The following NPFFR2 variants were observed in gnomAD, a reference collection of about 807,000 sequenced individuals.
NPFFR2 encodes the protein neuropeptide FF receptor 2.
Under a neutral mutation model 13.1 loss-of-function variants are expected in NPFFR2, and 15 were observed. The ratio of observed to expected loss-of-function variants is 1.15; its 90% CI spans 0.77 to 1.76. The LOEUF (loss-of-function observed/expected upper bound fraction) is 1.76, where lower values mean the gene tolerates loss of function less well. NPFFR2 is among the 40% of genes most tolerant of loss of function. NPFFR2 has a pLI of 0.00. For synonymous variants in NPFFR2, 190 were observed against 175.7 expected (o/e 1.08, Z -0.65); for missense variants, 572 against 503.5 (o/e 1.14, Z -1.30).
At chr4:72,141,748 T>C (rs958632410) in intron 3 of NPFFR2, among the ~76,000 whole-genome samples, 4 of 152,118 alleles carry the variant, frequency 2.6e-5, no homozygotes, top group Non-Finnish European at 5.9e-5. Flanking sequence ...TGATTTGGGG[T>C]GGAGAGTTCG....
Position 72,147,608 on chromosome 4 carries a change from CCAAAAAAGAG to C in NPFFR2, c.1064_1073del (p.Lys355SerfsTer8), listed in dbSNP as rs758093752. On this transcript the variant is annotated frameshift_variant, in exon 4 of 4. Transcript: ENST00000308744. LOFTEE classifies it low-confidence loss of function (END_TRUNC). ...AAGAAGCTTTCCAGCTCCAGCTCTG[CCAAAAAAGAG>C]CAAAGCCTATGGAAGCTTATGCCCT... is the stretch of plus-strand genomic sequence containing the variant. 1 of 1,613,818 alleles carries C rather than the reference CCAAAAAAGAG, an allele frequency of 6.2e-7. No homozygotes were observed. Among genetic ancestry groups the C allele is most frequent in the Non-Finnish European group, 8.5e-7 (1 of 1,179,958 alleles).
At chr4:72,088,704 G>A (rs184950391) in intron 1 of NPFFR2, among the ~76,000 whole-genome samples, 5 of 152,078 alleles carry the variant, frequency 3.3e-5, no homozygotes. Flanking sequence ...AAAGGAGGGA[G>A]TGCCACTTTT....
chr4:72,096,774 C>T (rs1253375817), intron 1 of NPFFR2, among the ~76,000 whole-genome samples: 1 of 151,936 alleles, frequency 6.6e-6, no homozygotes, highest in East Asian at 1.9e-4. Context: ...TACAGATGCT[C>T]CTTGACTTAC....
At chr4:72,128,017 T>A (rs918762072) in intron 1 of NPFFR2, among the ~76,000 whole-genome samples, 1 of 152,070 alleles carries the variant, frequency 6.6e-6, no homozygotes, top group Non-Finnish European at 1.5e-5. Flanking sequence ...AGATCAAGGC[T>A]ATAGTGAGCT....
chr4:72,128,536 T>G, intron 1 of NPFFR2, 49 bp from the exon 2 acceptor site: 1 of 1,183,282 alleles, frequency 8.5e-7, no homozygotes. Context: ...GAATTTATGC[T>G]TTACTGGTTC....
chr4:72,145,322 A>G (rs1722741498), intron 3 of NPFFR2, among the ~76,000 whole-genome samples: 1 of 149,552 alleles, frequency 6.7e-6, no homozygotes, highest in African/African-American at 2.4e-5. Flanking sequence ...AAATATATAA[A>G]TACATATATG....
At chr4:72,075,334 G>A (rs1216362826) in intron 1 of NPFFR2, among the ~76,000 whole-genome samples, 1 of 152,090 alleles carries the variant, frequency 6.6e-6, no homozygotes, top group East Asian at 1.9e-4. Context: ...CCTTGTGATT[G>A]TGTGAGTTAA....
intron 1 of NPFFR2, among the ~76,000 whole-genome samples, chr4:72,111,522 C>G (rs1410879822): frequency 1.3e-5 from 2 of 151,960 alleles, no homozygotes; most frequent in Non-Finnish European, 2.9e-5. Context: ...ACTGGCCAGA[C>G]AGCTCTGTTA....
intron 1 of NPFFR2, among the ~76,000 whole-genome samples, chr4:72,082,626 A>G (rs1159136733): frequency 1.3e-5 from 2 of 152,292 alleles, no homozygotes; most frequent in African/African-American, 2.4e-5. Context: ...TAATATATCT[A>G]TCACCTCATA....
At chr4:72,089,013 A>G (rs1056559511) in intron 1 of NPFFR2, among the ~76,000 whole-genome samples, 1 of 151,952 alleles carries the variant, frequency 6.6e-6, no homozygotes, top group African/African-American at 2.4e-5. Flanking sequence ...CTCAAAATCC[A>G]TTGTATCATT....
intron 1 of NPFFR2, among the ~76,000 whole-genome samples, chr4:72,047,058 A>G (rs1424044687): frequency 2.6e-5 from 4 of 152,184 alleles, no homozygotes; most frequent in Non-Finnish European, 4.4e-5. Context: ...AGGCTGCTGC[A>G]TGGCTGCTTT....
chr4:72,115,709 C>A (rs1170626905), intron 1 of NPFFR2, among the ~76,000 whole-genome samples: 2 of 152,146 alleles, frequency 1.3e-5, no homozygotes, highest in Non-Finnish European at 1.5e-5. Flanking sequence ...GAATTTCCTG[C>A]AGTCTTGTTT....
intron 1 of NPFFR2, among the ~76,000 whole-genome samples, chr4:72,032,572 C>T (rs1476675916): frequency 6.6e-6 from 1 of 152,198 alleles, no homozygotes; most frequent in African/African-American, 2.4e-5. Context: ...CTGTTTTTAT[C>T]CGTGATGCTT....
At chr4:72,057,012 A>G (rs1226237214) in intron 1 of NPFFR2, among the ~76,000 whole-genome samples, 2 of 152,000 alleles carry the variant, frequency 1.3e-5, no homozygotes, top group East Asian at 1.9e-4. Context: ...AAGGATTTGT[A>G]TATAAATGAC....
chr4:72,136,105 C>T (rs1722401854), intron 2 of NPFFR2, among the ~76,000 whole-genome samples: 1 of 152,118 alleles, frequency 6.6e-6, no homozygotes, highest in Non-Finnish European at 1.5e-5. Flanking sequence ...CCTGTAATTT[C>T]AACACTTGGG....
At chr4:72,081,293 C>G (rs996568271) in intron 1 of NPFFR2, among the ~76,000 whole-genome samples, 1 of 152,128 alleles carries the variant, frequency 6.6e-6, no homozygotes, top group Non-Finnish European at 1.5e-5. Flanking sequence ...GTAGTTGTGA[C>G]AGAAGCCTTC....
At chr4:72,070,818 T>C (rs1446488363) in intron 1 of NPFFR2, among the ~76,000 whole-genome samples, 1 of 152,114 alleles carries the variant, frequency 6.6e-6, no homozygotes. Context: ...GGTGGATGCA[T>C]AGCAATAGGT....
At chr4:72,048,681 G>C (rs1719451439) in intron 1 of NPFFR2, among the ~76,000 whole-genome samples, 1 of 151,928 alleles carries the variant, frequency 6.6e-6, no homozygotes, top group Non-Finnish European at 1.5e-5. Context: ...AGTGATATGA[G>C]TACTAATTTT....
chr4:72,128,746 A>G lies in NPFFR2; in HGVS notation c.155A>G (p.Tyr52Cys), dbSNP rs780956076. The change falls in exon 2 of 4, where the codon TAC becomes TGC. Residue 52 changes from tyrosine (Y) to cysteine (C), a missense_variant. By Grantham distance (194) the Tyr-to-Cys change is radical. Coordinates refer to ENST00000308744, the MANE Select transcript of NPFFR2 (RefSeq NM_004885.3). Reference sequence around the variant, plus strand: ...GTGGCAGCAATCTTCATTATTTCCTACTTTCTGATCTTCTTTTTGTGCATG... The same window carrying G: ...GTGGCAGCAATCTTCATTATTTCCTGCTTTCTGATCTTCTTTTTGTGCATG... Reference protein sequence around the residue: ...PQVAAIFIISYFLIFFLCMMG... With the variant: ...PQVAAIFIISCFLIFFLCMMG... 6.8e-6 allele frequency: 11 copies of G among 1,614,028 alleles called. No individual in the cohort carries two copies. In the South Asian group the frequency reaches 1.1e-4, roughly 16 times the overall value.
Sources: allele counts gnomAD v4.1 joint callset (sites outside exome capture counted in the v4.1 genomes callset), GRCh38; gene constraint gnomAD v4.1.1; transcripts MANE v1.5; gene names NCBI Gene and HGNC (gene_info 2026-07-23, HGNC 2026-07-21).